Variants in MAPK8IP2 observed in about 807,000 individuals in gnomAD.
The protein encoded by MAPK8IP2 is mitogen-activated protein kinase 8 interacting protein 2, also known as C-Jun-amino-terminal kinase-interacting protein 2.
Under a neutral mutation model 75.6 loss-of-function variants are expected in MAPK8IP2, and 15 were observed. The observed-to-expected ratio is 0.20, with a 90% CI of 0.13 to 0.31. The LOEUF (loss-of-function observed/expected upper bound fraction) is 0.31. MAPK8IP2 is among the 10% of genes least tolerant of loss of function. The pLI, the probability that MAPK8IP2 is intolerant of heterozygous loss-of-function variation, is 1.00. For missense variants in MAPK8IP2, 1,089 were observed against 1,211.2 expected, an observed-to-expected ratio of 0.90 and a Z score of 1.50; for synonymous variants, 632 against 554.5, an observed-to-expected ratio of 1.14 and a Z score of -1.96.
At chr22:50,609,957 G>A (rs1238720659) in intron 10 of MAPK8IP2, 1 of 669,440 alleles carries the variant, frequency 1.5e-6, no homozygotes. Context: ...CACCGGCTCA[G>A]AGAAGGGAGA....
At position 50,604,311 on chromosome 22, in the gene MAPK8IP2, G is replaced by A. The variant is rs1322006060; in HGVS notation, c.1012G>A (p.Glu338Lys). The change falls in exon 5 of 12, where the codon GAG becomes AAG. Residue 338 changes from glutamate to lysine, a missense_variant. Around this residue, in one of 2 missense-constraint regions of MAPK8IP2, gnomAD observed 960 missense variants for 1,009.6 expected, o/e 0.95. Transcript: ENST00000329492. ...CGAGTACGAGTCGGGGTCGGAGTCG[G>A]AGCCGGACCTCAGCGAGGACGCGGA... The part of the protein sequence containing the change: ...NSEYESGSES[E>K]PDLSEDADSP... 4 of 1,547,216 alleles carry A rather than the reference G, an allele frequency of 2.6e-6. No homozygotes were observed. Among genetic ancestry groups the A allele is most frequent in the Non-Finnish European group, 3.5e-6 (4 of 1,153,620 alleles).
In MAPK8IP2 at chr22:50,604,155, AGCAGCG is replaced by A; in HGVS notation, c.859_864del (p.Ser287_Gly288del). 1 of 1,553,084 alleles carries A rather than the reference AGCAGCG, an allele frequency of 6.4e-7. No homozygotes were observed. Among genetic ancestry groups the A allele is most frequent in the Non-Finnish European group, 8.6e-7 (1 of 1,158,284 alleles). On this transcript the variant is annotated inframe_deletion, in exon 5 of 12. Transcript: ENST00000329492. Reference sequence around the variant, plus strand: ...GCTGAGCAGCGATGGCGGAAGCAGCAGCAGCGGCCGCTCCTCGCACCTCACCAACTC... The same window carrying A: ...GCTGAGCAGCGATGGCGGAAGCAGCAGCCGCTCCTCGCACCTCACCAACTC...
In MAPK8IP2 at chr22:50,603,609, A is replaced by T; in HGVS notation, c.448-17A>T. 1 of 1,588,784 alleles carries T rather than the reference A, an allele frequency of 6.3e-7. No individual in the cohort carries two copies. Among genetic ancestry groups the T allele is most frequent in the Non-Finnish European group, 8.6e-7 (1 of 1,167,998 alleles). ...GCTGGCCCTCCTCAGGACCGCCGTCATGTATCTCCACCCCAGGACTCCCTA... is the reference window on the plus strand; with the variant it reads ...GCTGGCCCTCCTCAGGACCGCCGTCTTGTATCTCCACCCCAGGACTCCCTA... On this transcript the variant is annotated splice_polypyrimidine_tract_variant and intron_variant, in intron 3 of 11. Transcript: ENST00000329492.
chr22:50,604,565 C>CGCCGCGCCT lies in MAPK8IP2; in HGVS notation c.1267_1275dup (p.Ala423_Pro425dup). On this transcript the variant is annotated inframe_insertion, in exon 5 of 12. Transcript: ENST00000329492. ...TGTGCGCGCCGCCGCCGCCCGCGCC[C>CGCCGCGCCT]GCCGCGCCTCGACCCGGCCCCGCGC... 8.5e-7 allele frequency: 1 copy of CGCCGCGCCT among 1,177,290 alleles called. No homozygotes were observed. The highest frequency in any genetic ancestry group is 1.0e-6 in the Non-Finnish European group (1 of 957,026). 72.9% of individuals were successfully genotyped at this position (1,177,290 alleles called of 1,614,324 possible). A position where few individuals can be genotyped will look rare whatever the true frequency, so the allele number is the denominator to read the frequency against.
chr22:50,604,461 G>A lies in MAPK8IP2; in HGVS notation c.1162G>A (p.Gly388Ser). ...RPPGEPVSPA[G>S]GAAQDSQDPE... ...GCCCGGGGAGCCCGTGTCGCCGGCCGGCGGGGCCGCCCAGGACTCCCAGGA... is the reference window on the plus strand; with the variant it reads ...GCCCGGGGAGCCCGTGTCGCCGGCCAGCGGGGCCGCCCAGGACTCCCAGGA... Residue 388 changes from glycine (G) to serine (S), a missense_variant, in exon 5 of 12, where the codon GGC becomes AGC. By Grantham distance (56) the Gly-to-Ser change is moderately conservative. Coordinates refer to ENST00000329492, the MANE Select transcript of MAPK8IP2 (RefSeq NM_012324.6). 1 of 1,374,752 alleles carries A rather than the reference G, an allele frequency of 7.3e-7. No homozygotes were observed. Among genetic ancestry groups the A allele is most frequent in the Non-Finnish European group, 9.3e-7 (1 of 1,069,678 alleles). 85.2% of individuals were successfully genotyped at this position (1,374,752 alleles called of 1,614,324 possible).
rs1384221647 is a variant in MAPK8IP2 at position 50,600,875 on chromosome 22, G to A, written c.57G>A (p.Pro19=). Residue 19 remains proline (P), a synonymous_variant, in exon 1 of 12, where the codon CCG becomes CCA. Transcript: ENST00000329492. ...CCACCTTCCACTCGCTGTCGCCGCC[G>A]GGCTGCAGGTACCCCCCTCGGCGCC... is the stretch of plus-strand genomic sequence containing the variant. The part of the protein sequence containing the change: ...SLSTFHSLSP[P]GCRPPQDISL... 5.5e-6 allele frequency: 7 copies of A among 1,280,180 alleles called. No individual in the cohort carries two copies. In the East Asian group the frequency reaches 3.4e-4, roughly 62 times the overall value. 79.3% of individuals were successfully genotyped at this position (1,280,180 alleles called of 1,614,324 possible). A position where few individuals can be genotyped will look rare whatever the true frequency, so the allele number is the denominator to read the frequency against.
chr22:50,605,622 G>A lies in MAPK8IP2; in HGVS notation c.1902G>A (p.Glu634=), dbSNP rs1603444339. 2 of 1,609,918 alleles carry A rather than the reference G, an allele frequency of 1.2e-6. No homozygotes were observed. Reference sequence around the variant, plus strand: ...ATGTGGATGACCCTGTGTTGGTGGAGGCCGAGGAGGACGACTTCTGGTTCC... The same window carrying A: ...ATGTGGATGACCCTGTGTTGGTGGAAGCCGAGGAGGACGACTTCTGGTTCC... The part of the protein sequence containing the change: ...ELDVDDPVLV[E]AEEDDFWFRG... The change falls in exon 7 of 12, where the codon GAG becomes GAA. Residue 634 remains glutamate (E), a synonymous_variant. Transcript: ENST00000329492.
At position 50,604,924 on chromosome 22, in the gene MAPK8IP2, G is replaced by T; in HGVS notation, c.1625G>T (p.Gly542Val). The T allele has an allele frequency of 2.5e-6, 4 of 1,608,454 alleles. No homozygotes were observed. Among genetic ancestry groups the T allele is most frequent in the Non-Finnish European group, 3.4e-6 (4 of 1,177,904 alleles). Residue 542 changes from glycine to valine, a missense_variant, in exon 5 of 12, where the codon GGG becomes GTG. Transcript: ENST00000329492. ...LGHDSEEDSGGEASEEEAGAA... is the reference protein window; with the variant it reads ...LGHDSEEDSGVEASEEEAGAA... ...CACGACAGCGAAGAGGACAGCGGCG[G>T]GGAGGCCAGCGAGGAGGAGGCGGGC... is the stretch of plus-strand genomic sequence containing the variant.
At chr22:50,606,818 G>A (rs2071060137) in intron 9 of MAPK8IP2, 53 bp downstream of exon 9, 18 of 1,591,984 alleles carry the variant, frequency 1.1e-5, no homozygotes, top group South Asian at 4.4e-5. Context: ...GTTAGGCCAC[G>A]GAGTCCGACG....
In MAPK8IP2 at chr22:50,605,571, G is replaced by A. The variant is rs377339257; in HGVS notation, c.1851G>A (p.Pro617=). Reference sequence around the variant, plus strand: ...TCTCCCCCAACGGCAGGTTCATCCCGCGGCATCCAGACGAGCTGGAGCTGG... The same window carrying A: ...TCTCCCCCAACGGCAGGTTCATCCCACGGCATCCAGACGAGCTGGAGCTGG... ...QTHRAVFRFI[P]RHPDELELDV... The change falls in exon 7 of 12, where the codon CCG becomes CCA. Residue 617 remains proline, a synonymous_variant. Transcript: ENST00000329492. The A allele has an allele frequency of 2.1e-5, 33 of 1,584,924 alleles. No individual in the cohort carries two copies. Among genetic ancestry groups the A allele is most frequent in the Admixed American group, 5.3e-5 (3 of 56,312 alleles).
Position 50,604,049 on chromosome 22 carries a change from C to G in MAPK8IP2, c.750C>G (p.Ser250=), listed in dbSNP as rs1484300526. Reference sequence around the variant, plus strand: ...GACGTCGCAGCAGCCAGGAGCTGTCCTCGCCCGGCTCCGACTCGGAGGACG... The same window carrying G: ...GACGTCGCAGCAGCCAGGAGCTGTCGTCGCCCGGCTCCGACTCGGAGGACG... ...RGGRRSSQEL[S]SPGSDSEDAG... is the part of the protein sequence containing the mutation. Residue 250 remains serine (S), a synonymous_variant, in exon 5 of 12, where the codon TCC becomes TCG. Coordinates refer to ENST00000329492, the MANE Select transcript of MAPK8IP2 (RefSeq NM_012324.6). 9 of 1,543,740 alleles carry G rather than the reference C, an allele frequency of 5.8e-6. No homozygotes were observed. In the Admixed American group the frequency reaches 7.7e-5, roughly 13 times the overall value.
At chr22:50,608,447 G>A (rs1176420664) in intron 10 of MAPK8IP2, among the ~76,000 whole-genome samples, 2 of 122,510 alleles carry the variant, frequency 1.6e-5, no homozygotes, top group Admixed American at 7.8e-5. Context: ...CGAACGGGGC[G>A]CAGACCAGAC....
rs112535271 is a variant in MAPK8IP2 at position 50,612,909 on chromosome 22, C to T, written c.*2130C>T. The T allele has an allele frequency of 1.7e-4, 7 of 41,806 alleles. No individual in the cohort carries two copies. The highest frequency in any genetic ancestry group is 1.0e-3 in the South Asian group (1 of 990). The allele number at this position is 41,806 out of a possible 1,614,324, so 2.6% of individuals were successfully genotyped here. ...CCCCGCCCCTGCCCGGCCCCGCCCC[C>T]CAACGTGTCTTCAGGTCTCTTTCCC... On this transcript the variant is annotated 3_prime_UTR_variant, in exon 12 of 12. Transcript: ENST00000329492.
chr22:50,604,610 C>T lies in MAPK8IP2; in HGVS notation c.1311C>T (p.Phe437=), dbSNP rs1210849507. 4.7e-6 allele frequency: 7 copies of T among 1,500,780 alleles called. No homozygotes were observed. Among genetic ancestry groups the T allele is most frequent in the Admixed American group, 4.3e-5 (2 of 45,982 alleles). The allele number at this position is 1,500,780 out of a possible 1,614,324, so 93.0% of individuals were successfully genotyped here. A position where few individuals can be genotyped will look rare whatever the true frequency, so the allele number is the denominator to read the frequency against. ...PGPAQPGPCL[F]LSNPTRDTIT... ...CCGCGCAGCCCGGGCCCTGCCTATT[C>T]CTCAGCAACCCCACGCGTGACACCA... Residue 437 remains phenylalanine (F), a synonymous_variant, in exon 5 of 12, where the codon TTC becomes TTT. Coordinates refer to ENST00000329492, the MANE Select transcript of MAPK8IP2 (RefSeq NM_012324.6).
At position 50,603,355 on chromosome 22, in the gene MAPK8IP2, G is replaced by C. The variant is rs1282409949; in HGVS notation, c.304G>C (p.Glu102Gln). The C allele has an allele frequency of 6.4e-7, 1 of 1,554,916 alleles. No individual in the cohort carries two copies. The highest frequency in any genetic ancestry group is 2.4e-5 in the East Asian group (1 of 41,746). ...DEDEEEEEEE[E>Q]EGDGEGQEGG... is the part of the protein sequence containing the mutation. ...GGACGAGGAAGAGGAGGAGGAGGAG[G>C]AGGAGGGAGATGGGGAAGGCCAGGA... The change falls in exon 3 of 12, where the codon GAG (glutamate) becomes CAG (glutamine). Residue 102 changes from glutamate (E) to glutamine (Q), a missense_variant. Physicochemically the swap from Glu to Gln is conservative, Grantham distance 29 (BLOSUM62 2). Transcript: ENST00000329492.
chr22:50,608,936 C>G (rs573015880), intron 10 of MAPK8IP2, among the ~76,000 whole-genome samples: 1 of 152,270 alleles, frequency 6.6e-6, no homozygotes, highest in East Asian at 1.9e-4. Context: ...GGGTGAAGCT[C>G]AGGTCTCAGG....
At chr22:50,605,160 G>A in intron 5 of MAPK8IP2, 96 bp downstream of exon 5, 1 of 1,448,112 alleles carries the variant, frequency 6.9e-7, no homozygotes, top group Non-Finnish European at 9.5e-7. Context: ...AGGGCCACCT[G>A]AGGGTCTGGC....
Position 50,604,471 on chromosome 22 carries a change from C to T in MAPK8IP2, c.1172C>T (p.Ala391Val), listed in dbSNP as rs1436314161. The T allele has an allele frequency of 1.1e-5, 15 of 1,314,028 alleles. No homozygotes were observed. The highest frequency in any genetic ancestry group is 1.4e-5 in the Non-Finnish European group (15 of 1,036,678). The allele number at this position is 1,314,028 out of a possible 1,614,324, so 81.4% of individuals were successfully genotyped here. ...GEPVSPAGGA[A>V]QDSQDPEAAA... The stretch of plus-strand genomic sequence containing the variant: ...CCCGTGTCGCCGGCCGGCGGGGCCG[C>T]CCAGGACTCCCAGGACCCCGAGGCG... Residue 391 changes from alanine (A) to valine (V), a missense_variant, in exon 5 of 12, where the codon GCC (alanine) becomes GTC (valine). Transcript: ENST00000329492.
chr22:50,606,783 T>G lies in MAPK8IP2; in HGVS notation c.2232+18T>G. 1.3e-6 allele frequency: 2 copies of G among 1,566,006 alleles called. No individual in the cohort carries two copies. The highest frequency in any genetic ancestry group is 1.7e-6 in the Non-Finnish European group (2 of 1,151,562). Reference sequence around the variant, plus strand: ...GGCCCGAGGTGGGAGTGTGGGGGACTGGGGACCGGGGACTGGGGGATAGGG... The same window carrying G: ...GGCCCGAGGTGGGAGTGTGGGGGACGGGGGACCGGGGACTGGGGGATAGGG... On this transcript the variant is annotated intron_variant, in intron 9 of 11. Coordinates refer to ENST00000329492, the MANE Select transcript of MAPK8IP2 (RefSeq NM_012324.6).
Sources: allele counts gnomAD v4.1 joint callset (sites outside exome capture counted in the v4.1 genomes callset), GRCh38; gene constraint gnomAD v4.1.1; regional missense constraint gnomAD v4.1.1; transcripts MANE v1.5; gene names NCBI Gene and HGNC (gene_info 2026-07-23, HGNC 2026-07-21).